TEAD2: variants seen among roughly 807,000 people sequenced by gnomAD.
The protein encoded by TEAD2 is transcriptional enhancer factor TEF-4.
Under a neutral mutation model 61.4 loss-of-function variants are expected in TEAD2, and 51 were observed. That is an observed-to-expected ratio of 0.83 (90% CI 0.66 to 1.05). TEAD2 has a LOEUF of 1.05. TEAD2 is among the 50% of genes least tolerant of loss of function. The pLI, the probability that TEAD2 is intolerant of heterozygous loss-of-function variation, is 0.00. For synonymous variants in TEAD2, 244 were observed against 243.2 expected, an observed-to-expected ratio of 1.00 and a Z score of -0.03; for missense variants, 509 against 600.0, an observed-to-expected ratio of 0.85 and a Z score of 1.58.
intron 7 of TEAD2, 123 bp downstream of exon 7, chr19:49,355,025 A>ACATACATACATG: frequency 1.7e-6 from 1 of 605,848 alleles, no homozygotes; most frequent in East Asian, 3.0e-5. Flanking sequence ...ATACATGCAT[A>ACATACATACATG]CATACATACA....
intron 1 of TEAD2, among the ~76,000 whole-genome samples, chr19:49,361,197 C>CAGAG (rs138881224): frequency 0.07 from 3,079 of 44,286 alleles, 187 homozygotes; most frequent in African/African-American, 0.28. Context: ...TCCAGAGGCC[C>CAGAG]AGAGAGGGAG....
chr19:49,352,890 C>T (rs777640149), intron 7 of TEAD2, among the ~76,000 whole-genome samples: 16 of 151,880 alleles, frequency 1.1e-4, no homozygotes, highest in Non-Finnish European at 1.9e-4. Context: ...GTCTCCTCCC[C>T]CGCCCACCAA....
In TEAD2 at chr19:49,357,283, C is replaced by T. The variant is rs776379370; in HGVS notation, c.329G>A (p.Arg110Lys). Reference sequence around the variant, plus strand: ...CTTGGACTGGATTTCCCTTGATTTCCTTCGGGCCAAAACCTGGATGTGACT... The same window carrying T: ...CTTGGACTGGATTTCCCTTGATTTCTTTCGGGCCAAAACCTGGATGTGACT... The part of the protein sequence containing the change: ...VSSHIQVLAR[R>K]KSREIQSKLK... Residue 110 changes from arginine to lysine, a missense_variant, in exon 4 of 13, where the codon AGG becomes AAG. Coordinates refer to ENST00000593945, the MANE Select transcript of TEAD2 (RefSeq NM_001256660.2). 1 of 1,613,630 alleles carries T rather than the reference C, an allele frequency of 6.2e-7. No individual in the cohort carries two copies. Among genetic ancestry groups the T allele is most frequent in the South Asian group, 1.1e-5 (1 of 91,016 alleles).
In TEAD2 at chr19:49,355,430, A is replaced by C. The variant is rs1972323924; in HGVS notation, c.373-11T>G. ...CTTGGAAACCTGGTCCTGGAGGAGG[A>C]GGCGGAAGTTCATGTGAGAGGGGCA... On this transcript the variant is annotated splice_polypyrimidine_tract_variant and intron_variant, in intron 5 of 12. Transcript: ENST00000593945. The C allele has an allele frequency of 8.1e-6, 13 of 1,611,640 alleles. No individual in the cohort carries two copies. The highest frequency in any genetic ancestry group is 1.1e-5 in the Non-Finnish European group (13 of 1,177,926).
In TEAD2 at chr19:49,351,290, C is replaced by T. The variant is rs1366239250; in HGVS notation, c.604+11G>A. 6.2e-7 allele frequency: 1 copy of T among 1,609,502 alleles called. No individual in the cohort carries two copies. ...AGGGGAGACAAGGGAGGGTGGAGCG[C>T]AGGCTCTTACCTGGGAGGTCAGTAG... On this transcript the variant is annotated intron_variant, in intron 8 of 12. Transcript: ENST00000593945.
intron 4 of TEAD2, among the ~76,000 whole-genome samples, chr19:49,356,688 G>A (rs991174533): frequency 6.6e-6 from 1 of 152,094 alleles, no homozygotes; most frequent in Non-Finnish European, 1.5e-5. Context: ...GGGAAAGGAG[G>A]GACAGGAGCA....
Position 49,348,811 on chromosome 19 carries a change from G to A in TEAD2, c.639C>T (p.Pro213=), listed in dbSNP as rs753802346. The change falls in exon 9 of 13, where the codon CCC becomes CCT. Residue 213 remains proline (P), a synonymous_variant. Transcript: ENST00000593945. The stretch of plus-strand genomic sequence containing the variant: ...AGGCTGGGGGCGATGGGGTAGGTGG[G>A]GGCAGGGGTGAGAGGGCTTGGGGGG... ...YEPPQALSPL[P]PPTPSPPAWQ... 1 of 1,601,878 alleles carries A rather than the reference G, an allele frequency of 6.2e-7. No homozygotes were observed. The highest frequency in any genetic ancestry group is 8.5e-7 in the Non-Finnish European group (1 of 1,175,516).
intron 1 of TEAD2, among the ~76,000 whole-genome samples, chr19:49,361,066 C>G (rs1447856956): frequency 9.2e-6 from 1 of 108,110 alleles, no homozygotes; most frequent in Non-Finnish European, 1.8e-5. Context: ...GGACAGAGAC[C>G]CAGAGAGAGG....
At position 49,342,450 on chromosome 19, in the gene TEAD2, G is replaced by C. The variant is rs1174117995; in HGVS notation, c.1230C>G (p.Phe410Leu). The C allele has an allele frequency of 6.2e-7, 1 of 1,613,700 alleles. No individual in the cohort carries two copies. The highest frequency in any genetic ancestry group is 8.5e-7 in the Non-Finnish European group (1 of 1,179,582). The change falls in exon 12 of 13, where the codon TTC (phenylalanine) becomes TTG (leucine). Residue 410 changes from phenylalanine (F) to leucine (L), a missense_variant. Phe to Leu is a conservative substitution (Grantham distance 22, BLOSUM62 0). Coordinates refer to ENST00000593945, the MANE Select transcript of TEAD2 (RefSeq NM_001256660.2). ...CCCCAGGCATCACCTGGAGGATGGT[G>C]AAGTTTTCCAGGACGCTGTTCATCA... is the stretch of plus-strand genomic sequence containing the variant. Reference protein sequence around the residue: ...RYMMNSVLENFTILQVVTNRD... With the variant: ...RYMMNSVLENLTILQVVTNRD...
Position 49,341,527 on chromosome 19 carries a change from G to A in TEAD2, c.1243-90C>T, listed in dbSNP as rs368354629. 2.7e-5 allele frequency: 28 copies of A among 1,032,686 alleles called. No homozygotes were observed. In the East Asian group the frequency reaches 6.4e-4, roughly 23 times the overall value. 64.0% of individuals were successfully genotyped at this position (1,032,686 alleles called of 1,614,324 possible). On this transcript the variant is annotated intron_variant, in intron 12 of 12. Coordinates refer to ENST00000593945, the MANE Select transcript of TEAD2 (RefSeq NM_001256660.2). This position sits in a 1 kb window ranked among gnomAD's most constrained non-coding sequence, Gnocchi z 4.2. ...CTGCCAAGCTATCATGGAATACCCA[G>A]CAGGCTCTTTTCCATCTCCAGGAAA...
intron 1 of TEAD2, chr19:49,360,359 G>T (rs34685734): frequency 0.014 from 6,658 of 469,472 alleles, 340 homozygotes; most frequent in African/African-American, 0.12. Context: ...GTCTGAGGGA[G>T]CGGGGGCTGG....
At position 49,343,273 on chromosome 19, in the gene TEAD2, G is replaced by A; in HGVS notation, c.1047C>T (p.Ser349=). 1 of 1,613,774 alleles carries A rather than the reference G, an allele frequency of 6.2e-7. No individual in the cohort carries two copies. The highest frequency in any genetic ancestry group is 8.5e-7 in the Non-Finnish European group (1 of 1,179,884). The change falls in exon 11 of 13, where the codon TCC becomes TCT. Residue 349 remains serine (S), a synonymous_variant. Coordinates refer to ENST00000593945, the MANE Select transcript of TEAD2 (RefSeq NM_001256660.2). ...SLEHMTLTCS[S]KVCSFGKQVV... ...CCTGCTTGCCAAAAGAGCAGACCTT[G>A]GAGGAACAGGTGAGGGTCATGTGTT...
In TEAD2 at chr19:49,359,716, A is replaced by C. The variant is rs151167554; in HGVS notation, c.232+128T>G. ...CGACCATAAGCAAATCACTTAACCT[A>C]GCTGTGCCTCAGTTTCCTCATCTGT... On this transcript the variant is annotated intron_variant, in intron 2 of 12. Coordinates refer to ENST00000593945, the MANE Select transcript of TEAD2 (RefSeq NM_001256660.2). The surrounding 1 kb of genome is among the most constrained non-coding windows in gnomAD (Gnocchi z 4.1). The C allele has an allele frequency of 9.1e-7, 1 of 1,096,780 alleles. No homozygotes were observed. The highest frequency in any genetic ancestry group is 2.4e-5 in the East Asian group (1 of 42,262). 67.9% of individuals were successfully genotyped at this position (1,096,780 alleles called of 1,614,324 possible).
At chr19:49,349,777 C>A (rs1971893437) in intron 8 of TEAD2, among the ~76,000 whole-genome samples, 1 of 152,124 alleles carries the variant, frequency 6.6e-6, no homozygotes, top group Admixed American at 6.6e-5. Flanking sequence ...CCAAATAAAC[C>A]TCTTTTCTTT....
chr19:49,358,111 G>A (rs544278746), intron 3 of TEAD2, among the ~76,000 whole-genome samples: 26 of 152,320 alleles, frequency 1.7e-4, no homozygotes, highest in African/African-American at 6.3e-4. Flanking sequence ...GTGCGCGCCT[G>A]TAGTCCCAGC....
intron 9 of TEAD2, among the ~76,000 whole-genome samples, chr19:49,348,145 T>C (rs563953343): frequency 1.3e-5 from 2 of 150,538 alleles, no homozygotes; most frequent in East Asian, 2.0e-4. Flanking sequence ...AGCCACAAAA[T>C]GGAAGGAGCC....
chr19:49,344,037 G>A (rs2146307639), intron 10 of TEAD2, among the ~76,000 whole-genome samples: 1 of 152,120 alleles, frequency 6.6e-6, no homozygotes, highest in Middle Eastern at 3.4e-3. Flanking sequence ...TGTAGAAACA[G>A]GGTTTCACCA....
At chr19:49,346,916 T>C (rs956389847) in intron 10 of TEAD2, among the ~76,000 whole-genome samples, 2 of 152,190 alleles carry the variant, frequency 1.3e-5, no homozygotes, top group African/African-American at 2.4e-5. Context: ...CCCAGGACCC[T>C]ATTAGCTACA....
At chr19:49,350,595 A>T (rs1416493197) in intron 8 of TEAD2, among the ~76,000 whole-genome samples, 2 of 152,070 alleles carry the variant, frequency 1.3e-5, no homozygotes, top group Non-Finnish European at 2.9e-5. Context: ...TAGGCCTCCC[A>T]AAGTGCTGGG....
Sources: gnomAD v4.1 joint callset for allele counts (sites outside exome capture counted in the v4.1 genomes callset) on GRCh38, gnomAD v4.1.1 for gene constraint, Gnocchi (gnomAD v3.1) non-coding constraint, MANE v1.5 for transcripts, NCBI Gene and HGNC (gene_info 2026-07-23, HGNC 2026-07-21) for gene names.